The following AKAP13 variants were observed in gnomAD, a reference collection of about 807,000 sequenced individuals.
AKAP13 encodes A-kinase anchoring protein 13, also known as A-kinase anchor protein 13.
A neutral mutation model predicts 264.5 loss-of-function variants in AKAP13; 80 were observed. The ratio of observed to expected loss-of-function variants is 0.30; its 90% CI spans 0.25 to 0.36. AKAP13 has a LOEUF of 0.36. AKAP13 is among the 10% of genes least tolerant of loss of function. The pLI is 1.00. For missense variants in AKAP13, 3,712 were observed against 3,435.2 expected (o/e 1.08, Z -2.01); for synonymous variants, 1,380 against 1,250.2 (o/e 1.10, Z -2.19).
chr15:85,664,773 C>A lies in AKAP13; in HGVS notation c.4992+18C>A. On this transcript the variant is annotated intron_variant, in intron 13 of 36. Coordinates refer to ENST00000394518, the MANE Select transcript of AKAP13 (RefSeq NM_007200.5). The stretch of plus-strand genomic sequence containing the variant: ...ATCAGCAGGTAAGTCTTAAATATGT[C>A]TAATTTGGAAAAAATATATTTCACA... 6.3e-7 allele frequency: 1 copy of A among 1,593,306 alleles called. No individual in the cohort carries two copies. The highest frequency in any genetic ancestry group is 8.6e-7 in the Non-Finnish European group (1 of 1,168,288).
rs549995271 is a variant in AKAP13, at chr15:85,606,464, A to G, written c.4161+20641A>G. Among the ~76,000 whole-genome samples, 40 of 152,220 alleles carry G rather than the reference A, an allele frequency of 2.6e-4. 1 individual carries two copies. The South Asian group carries it at 6.4e-3, about 24-fold the overall frequency. ...TGAAAGATCCTTTTCAGATATGCAT[A>G]TTTATTTACACAGAAGCCATTTGTT... is the stretch of plus-strand genomic sequence containing the variant. On this transcript the variant is annotated intron_variant, in intron 8 of 36. Coordinates refer to ENST00000394518, the MANE Select transcript of AKAP13 (RefSeq NM_007200.5).
chr15:85,743,543 C>T lies in AKAP13; in HGVS notation c.8110C>T (p.Pro2704Ser), dbSNP rs767313777. 2 of 1,614,212 alleles carry T rather than the reference C, an allele frequency of 1.2e-6. No homozygotes were observed. The highest frequency in any genetic ancestry group is 1.7e-6 in the Non-Finnish European group (2 of 1,180,038). The change falls in exon 36 of 37, where the codon CCT becomes TCT. Residue 2704 changes from proline (P) to serine (S), a missense_variant. Transcript: ENST00000394518. Reference protein sequence around the residue: ...LMRIPSFFPSPEEPPSPSAPS... With the variant: ...LMRIPSFFPSSEEPPSPSAPS... ...GAGGATCCCATCGTTCTTCCCCAGT[C>T]CTGAGGAGCCCCCCTCGCCATCTGC...
chr15:85,562,115 T>G (rs181620501), intron 5 of AKAP13, among the ~76,000 whole-genome samples: 145 of 152,320 alleles, frequency 9.5e-4, no homozygotes, highest in Non-Finnish European at 1.5e-3. Context: ...ACAGAATGAT[T>G]ACGAGAGTAA....
At chr15:85,674,217 A>G (rs114391714) in intron 14 of AKAP13, among the ~76,000 whole-genome samples, 1,691 of 152,278 alleles carry the variant, frequency 0.011, 32 homozygotes, top group African/African-American at 0.038. Context: ...GAGCATCCCT[A>G]ATTTGAAAGT....
chr15:85,400,874 ATT>A (rs55704204), intron 1 of AKAP13, among the ~76,000 whole-genome samples: 8,631 of 120,040 alleles, frequency 0.072, 643 homozygotes, highest in African/African-American at 0.2. Flanking sequence ...ATATATATAT[ATT>A]TTTTTTTTTT....
Position 85,580,851 on chromosome 15 carries a change from A to C in AKAP13, c.2783A>C (p.Lys928Thr). ...AGCTCTGCAGCTCAGGAACAAGATA[A>C]GGATAAAGCGGTGACCTGTTCCTCT... Reference protein sequence around the residue: ...SESSAAQEQDKDKAVTCSSIK... With the variant: ...SESSAAQEQDTDKAVTCSSIK... The change falls in exon 7 of 37, where the codon AAG becomes ACG. Residue 928 changes from lysine to threonine, a missense_variant. Transcript: ENST00000394518. 6.2e-7 allele frequency: 1 copy of C among 1,614,184 alleles called. No homozygotes were observed. Among genetic ancestry groups the C allele is most frequent in the Non-Finnish European group, 8.5e-7 (1 of 1,180,032 alleles).
intron 2 of AKAP13, among the ~76,000 whole-genome samples, chr15:85,509,034 C>G (rs1325198272): frequency 6.6e-6 from 1 of 152,152 alleles, no homozygotes; most frequent in African/African-American, 2.4e-5. Context: ...ATGTTACTTT[C>G]TATAATTTGT....
intron 4 of AKAP13, among the ~76,000 whole-genome samples, chr15:85,538,656 A>C (rs576137099): frequency 2.1e-5 from 3 of 144,170 alleles, no homozygotes; most frequent in African/African-American, 7.8e-5. Flanking sequence ...CGCCCAGCTA[A>C]TTTTTTATAT....
chr15:85,687,270 C>T (rs1567195878), intron 16 of AKAP13, among the ~76,000 whole-genome samples: 1 of 152,174 alleles, frequency 6.6e-6, no homozygotes, highest in Non-Finnish European at 1.5e-5. Context: ...GGAAGTAGTA[C>T]TCATCATTTT....
rs201780964 is a variant in AKAP13 at position 85,581,422 on chromosome 15, A to C, written c.3354A>C (p.Pro1118=). Residue 1118 remains proline (P), a synonymous_variant, in exon 7 of 37, where the codon CCA becomes CCC. Transcript: ENST00000394518. ...ISHNTQDILI[P]NVLLSQEKNA... ...ACAACACCCAAGACATCCTGATTCC[A>C]AACGTCTTGTTGAGCCAAGAGAAGA... is the stretch of plus-strand genomic sequence containing the variant. 57 of 1,614,110 alleles carry C rather than the reference A, an allele frequency of 3.5e-5. No homozygotes were observed. Among genetic ancestry groups the C allele is most frequent in the Middle Eastern group, 1.6e-4 (1 of 6,084 alleles).
chr15:85,505,691 C>G (rs1313489837), intron 2 of AKAP13, among the ~76,000 whole-genome samples: 2 of 151,928 alleles, frequency 1.3e-5, no homozygotes, highest in African/African-American at 4.8e-5. Context: ...TTTGAGGTGT[C>G]TTTTAAAGAA....
At chr15:85,504,530 A>AAAAAAAAAAAAAAAAAAG (rs2076142896) in intron 2 of AKAP13, among the ~76,000 whole-genome samples, 1 of 124,208 alleles carries the variant, frequency 8.1e-6, no homozygotes, top group African/African-American at 3.3e-5. Flanking sequence ...AAAAAAAAAA[A>AAAAAAAAAAAAAAAAAAG]AAAAAGAAAA....
intron 1 of AKAP13, among the ~76,000 whole-genome samples, chr15:85,473,842 G>A (rs1159774247): frequency 6.6e-6 from 1 of 152,226 alleles, no homozygotes; most frequent in African/African-American, 2.4e-5. Context: ...GATGCCATCT[G>A]TGCAGCAATT....
At chr15:85,403,938 A>G (rs1294438205) in intron 1 of AKAP13, among the ~76,000 whole-genome samples, 1 of 152,022 alleles carries the variant, frequency 6.6e-6, no homozygotes, top group Non-Finnish European at 1.5e-5. Context: ...ACAGTACCAC[A>G]TGATGAAATC....
chr15:85,693,533 A>G, intron 17 of AKAP13, 82 bp downstream of exon 17: 1 of 1,567,134 alleles, frequency 6.4e-7, no homozygotes, highest in Non-Finnish European at 8.6e-7. Flanking sequence ...GTCCCCACTC[A>G]TTATCTGTTC....
intron 15 of AKAP13, among the ~76,000 whole-genome samples, chr15:85,682,644 C>T (rs1417423448): frequency 6.6e-6 from 1 of 152,154 alleles, no homozygotes; most frequent in Non-Finnish European, 1.5e-5. Context: ...TGATACATAG[C>T]TCTGTCGAAG....
At chr15:85,713,951 G>A (rs1307560803) in intron 19 of AKAP13, among the ~76,000 whole-genome samples, 1 of 152,130 alleles carries the variant, frequency 6.6e-6, no homozygotes, top group Admixed American at 6.5e-5. Context: ...TGAGAAATAT[G>A]CACTATGAGA....
intron 13 of AKAP13, among the ~76,000 whole-genome samples, chr15:85,665,519 T>G (rs1417873731): frequency 6.6e-6 from 1 of 152,194 alleles, no homozygotes; most frequent in Non-Finnish European, 1.5e-5. Context: ...CTACCAGAAT[T>G]CTTTTTTTAA....
At chr15:85,598,626 G>A (rs955679367) in intron 8 of AKAP13, among the ~76,000 whole-genome samples, 7 of 152,132 alleles carry the variant, frequency 4.6e-5, no homozygotes, top group Admixed American at 2.0e-4. Context: ...TATGCTGAAC[G>A]TTGTAATAGA....
Sources: gnomAD v4.1 joint callset for allele counts (sites outside exome capture counted in the v4.1 genomes callset) on GRCh38, gnomAD v4.1.1 for gene constraint, MANE v1.5 for transcripts, NCBI Gene and HGNC (gene_info 2026-07-23, HGNC 2026-07-21) for gene names.